The following SCAF8 variants were observed in gnomAD, a reference collection of about 807,000 sequenced individuals.
SCAF8 encodes SR-related and CTD-associated factor 8.
SCAF8 carries 23 observed loss-of-function variants against 140.5 expected under a neutral mutation model. The observed-to-expected ratio is 0.16, with a 90% CI of 0.12 to 0.23. SCAF8 has a LOEUF of 0.23. SCAF8 is among the 10% of genes least tolerant of loss of function. SCAF8 has a pLI of 1.00. For missense variants in SCAF8, 1,397 were observed against 1,555.7 expected (o/e 0.90, Z 1.72); for synonymous variants, 575 against 528.9 (o/e 1.09, Z -1.20).
At position 154,820,327 on chromosome 6, in the gene SCAF8, A is replaced by G. The variant is rs778743764; in HGVS notation, c.1786A>G (p.Asn596Asp). 1 of 1,603,664 alleles carries G rather than the reference A, an allele frequency of 6.2e-7. No homozygotes were observed. Among genetic ancestry groups the G allele is most frequent in the Non-Finnish European group, 8.5e-7 (1 of 1,177,046 alleles). The change falls in exon 15 of 20, where the codon AAT (asparagine) becomes GAT (aspartate). Residue 596 changes from asparagine (N) to aspartate (D), a missense_variant. This residue lies in a region of SCAF8 where 930 missense variants were observed against 874.6 expected (regional missense o/e 1.06). Transcript: ENST00000367178. ...AGGCATGATTGATCAGGAGACTGTAAATACTGGTAAGAATTCTAAGGTCTT... is the reference window on the plus strand; with the variant it reads ...AGGCATGATTGATCAGGAGACTGTAGATACTGGTAAGAATTCTAAGGTCTT... ...EGGMIDQETV[N>D]TEWETVKSSE... is the part of the protein sequence containing the mutation.
At chr6:154,757,741 A>C (rs1028512765) in intron 1 of SCAF8, among the ~76,000 whole-genome samples, 1 of 152,182 alleles carries the variant, frequency 6.6e-6, no homozygotes, top group Admixed American at 6.6e-5. Flanking sequence ...GTGTATCTGC[A>C]TATGTGTGCA....
rs368172372 is a variant in SCAF8, at chr6:154,827,195, C to G, written c.2095C>G (p.Pro699Ala). 6.2e-7 allele frequency: 1 copy of G among 1,604,154 alleles called. No individual in the cohort carries two copies. Residue 699 changes from proline to alanine, a missense_variant, in exon 18 of 20, where the codon CCA (proline) becomes GCA (alanine). Around this residue, in one of 5 missense-constraint regions of SCAF8, gnomAD observed 930 missense variants for 874.6 expected, o/e 1.06. Coordinates refer to ENST00000367178, the MANE Select transcript of SCAF8 (RefSeq NM_014892.5). ...PPGFMPPPVPPPVVPPPTIPP... is the reference protein window; with the variant it reads ...PPGFMPPPVPAPVVPPPTIPP... Reference sequence around the variant, plus strand: ...AGGTTTCATGCCGCCTCCAGTTCCCCCACCTGTTGTGCCACCCCCTACGAT... The same window carrying G: ...AGGTTTCATGCCGCCTCCAGTTCCCGCACCTGTTGTGCCACCCCCTACGAT...
chr6:154,744,108 C>T (rs1178133727), intron 1 of SCAF8, among the ~76,000 whole-genome samples: 8 of 152,170 alleles, frequency 5.3e-5, no homozygotes, highest in Non-Finnish European at 1.5e-5. Flanking sequence ...GCCTGGCCAA[C>T]ATGTTGAAAC....
At chr6:154,757,446 A>T (rs984096316) in intron 1 of SCAF8, among the ~76,000 whole-genome samples, 1 of 152,210 alleles carries the variant, frequency 6.6e-6, no homozygotes, top group Non-Finnish European at 1.5e-5. Flanking sequence ...GAGTAAAATT[A>T]ATCTGCTCTG....
At chr6:154,737,761 T>C (rs1042607254) in intron 1 of SCAF8, among the ~76,000 whole-genome samples, 1 of 152,006 alleles carries the variant, frequency 6.6e-6, no homozygotes, top group Non-Finnish European at 1.5e-5. Context: ...TTGTTTTTGT[T>C]TTGTAGAGAT....
intron 9 of SCAF8, among the ~76,000 whole-genome samples, chr6:154,807,688 T>G (rs1241003853): frequency 6.6e-6 from 1 of 152,252 alleles, no homozygotes; most frequent in Non-Finnish European, 1.5e-5. Context: ...CTGTTTTTTC[T>G]TTGTAGCATT....
Position 154,831,271 on chromosome 6 carries a change from G to C in SCAF8, c.2359+131G>C. On this transcript the variant is annotated intron_variant, in intron 19 of 19. Coordinates refer to ENST00000367178, the MANE Select transcript of SCAF8 (RefSeq NM_014892.5). ...AATGTCGCACTTTTTTTTTAAAAGA[G>C]ATCACTATGTCCTAAAATTTCTATT... 5.1e-6 allele frequency: 3 copies of C among 586,870 alleles called. No individual in the cohort carries two copies. The Admixed American group carries it at 9.5e-5, about 19-fold the overall frequency. The allele number at this position is 586,870 out of a possible 1,614,324, so 36.4% of individuals were successfully genotyped here.
intron 1 of SCAF8, among the ~76,000 whole-genome samples, chr6:154,750,658 A>AT (rs1435303665): frequency 2.0e-5 from 3 of 152,178 alleles, no homozygotes; most frequent in Non-Finnish European, 4.4e-5. Flanking sequence ...TTTTATTAGA[A>AT]TTTCTTATCA....
intron 16 of SCAF8, among the ~76,000 whole-genome samples, chr6:154,823,141 A>C (rs1778467514): frequency 6.6e-6 from 1 of 152,138 alleles, no homozygotes; most frequent in Non-Finnish European, 1.5e-5. Flanking sequence ...GTGGTCCAGG[A>C]GTGTTAAGTG....
At chr6:154,814,326 C>T (rs981256637) in intron 12 of SCAF8, among the ~76,000 whole-genome samples, 1 of 152,190 alleles carries the variant, frequency 6.6e-6, no homozygotes, top group Admixed American at 6.5e-5. Context: ...CAGAAACAAA[C>T]AAACGAAAAA....
intron 1 of SCAF8, among the ~76,000 whole-genome samples, chr6:154,740,989 A>G (rs1010413722): frequency 6.6e-6 from 1 of 152,184 alleles, no homozygotes; most frequent in Non-Finnish European, 1.5e-5. Context: ...AAGGTAGTTA[A>G]CATTTCTGAA....
chr6:154,830,106 AAG>A (rs377191845), intron 18 of SCAF8, among the ~76,000 whole-genome samples: 1 of 152,182 alleles, frequency 6.6e-6, no homozygotes, highest in African/African-American at 2.4e-5. Context: ...TTAATGGAAA[AAG>A]AGAAATAGTT....
intron 1 of SCAF8, among the ~76,000 whole-genome samples, chr6:154,759,477 A>G (rs1232725890): frequency 1.3e-5 from 2 of 152,198 alleles, no homozygotes; most frequent in Non-Finnish European, 2.9e-5. Flanking sequence ...CCATGCTTGA[A>G]AAATGGCATA....
intron 4 of SCAF8, among the ~76,000 whole-genome samples, chr6:154,790,907 G>T (rs1777402257): frequency 6.6e-6 from 1 of 152,118 alleles, no homozygotes; most frequent in Non-Finnish European, 1.5e-5. Context: ...CTTGTTTGCA[G>T]AATAGTTATG....
intron 9 of SCAF8, among the ~76,000 whole-genome samples, chr6:154,807,532 A>G (rs1777958121): frequency 6.6e-6 from 1 of 152,208 alleles, no homozygotes; most frequent in Non-Finnish European, 1.5e-5. Flanking sequence ...GGCATCCGCC[A>G]CCGTGCCCTG....
At chr6:154,779,234 C>T (rs1562441591) in intron 3 of SCAF8, among the ~76,000 whole-genome samples, 1 of 152,106 alleles carries the variant, frequency 6.6e-6, no homozygotes, top group Non-Finnish European at 1.5e-5. Context: ...GGGGGTTTCA[C>T]CATGTTGGCC....
chr6:154,788,175 G>A (rs9322479), intron 4 of SCAF8, among the ~76,000 whole-genome samples, 153 bp downstream of exon 4: 91,911 of 151,886 alleles, frequency 0.61, 30,517 homozygotes, highest in East Asian at 0.91. Context: ...TCCTAAGATT[G>A]TAATACCATA....
At chr6:154,794,770 G>GA (rs1222701751) in intron 5 of SCAF8, among the ~76,000 whole-genome samples, 1 of 65,636 alleles carries the variant, frequency 1.5e-5, no homozygotes, top group Non-Finnish European at 2.8e-5. Flanking sequence ...GGGGGGGGGG[G>GA]GGTGTGGGGG....
At chr6:154,816,216 G>C (rs1056934404) in intron 13 of SCAF8, among the ~76,000 whole-genome samples, 2 of 152,146 alleles carry the variant, frequency 1.3e-5, no homozygotes, top group Admixed American at 1.3e-4. Flanking sequence ...AGACACAGCT[G>C]GACTTAGGAT....
Sources: allele counts gnomAD v4.1 joint callset (sites outside exome capture counted in the v4.1 genomes callset), GRCh38; gene constraint gnomAD v4.1.1; regional missense constraint gnomAD v4.1.1; transcripts MANE v1.5; gene names NCBI Gene and HGNC (gene_info 2026-07-23, HGNC 2026-07-21).